The following CLNK variants were observed in gnomAD, a reference collection of about 807,000 sequenced individuals.
CLNK encodes the protein cytokine-dependent hematopoietic cell linker.
CLNK carries 74 observed loss-of-function variants against 68.6 expected under a neutral mutation model. That is an observed-to-expected ratio of 1.08 (90% CI 0.89 to 1.31). The LOEUF (loss-of-function observed/expected upper bound fraction) is 1.31, where lower values mean the gene tolerates loss of function less well. Among genes scored for constraint, CLNK ranks in the 50% most tolerant of loss-of-function variants. The pLI, the probability that CLNK is intolerant of heterozygous loss-of-function variation, is 0.00. For synonymous variants in CLNK, 198 were observed against 172.2 expected (o/e 1.15, Z -1.17); for missense variants, 553 against 515.3 (o/e 1.07, Z -0.71).
At chr4:10,656,237 A>T (rs1016278707) in intron 2 of CLNK, among the ~76,000 whole-genome samples, 1 of 151,818 alleles carries the variant, frequency 6.6e-6, no homozygotes, top group Non-Finnish European at 1.5e-5. Flanking sequence ...GGAAATATCA[A>T]AAGAGAATAA....
rs150773692 is a variant in CLNK, at chr4:10,531,820, G to T, written c.630+436C>A. The T allele has an allele frequency of 2.7e-4, 124 of 459,352 alleles. No individual in the cohort carries two copies. The Middle Eastern group carries it at 4.5e-3, about 17-fold the overall frequency. 28.5% of individuals were successfully genotyped at this position (459,352 alleles called of 1,614,324 possible). A position where few individuals can be genotyped will look rare whatever the true frequency, so the allele number is the denominator to read the frequency against. On this transcript the variant is annotated intron_variant, in intron 12 of 18. Coordinates refer to ENST00000226951, the MANE Select transcript of CLNK (RefSeq NM_052964.4). ...TCTGAAGTTCACAAAGCGAGTAGGTGGCACGGCAGGATTCCTACCCAGGTC... is the reference window on the plus strand; with the variant it reads ...TCTGAAGTTCACAAAGCGAGTAGGTTGCACGGCAGGATTCCTACCCAGGTC...
chr4:10,603,548 T>C (rs2108848907), intron 2 of CLNK, among the ~76,000 whole-genome samples: 1 of 152,336 alleles, frequency 6.6e-6, no homozygotes, highest in African/African-American at 2.4e-5. Context: ...GAGACAGAGA[T>C]GACCACGTAG....
the CLNK span, among the ~76,000 whole-genome samples, chr4:10,714,683 GGTGTGTGT>G: frequency 3.0e-4 from 45 of 148,544 alleles, no homozygotes; most frequent in African/African-American, 7.7e-4. Flanking sequence ...CATTCATTGT[GGTGTGTGT>G]GTGTGTGTGT....
At position 10,577,807 on chromosome 4, in the gene CLNK, C is replaced by T. The variant is rs369166269; in HGVS notation, c.113-6029G>A. ...AGAAAAAAAAAAAATAAACGTCTATCGTGTTTAAGCCCCATTTTTTTAAAT... is the reference window on the plus strand; with the variant it reads ...AGAAAAAAAAAAAATAAACGTCTATTGTGTTTAAGCCCCATTTTTTTAAAT... On this transcript the variant is annotated intron_variant, in intron 4 of 18. Transcript: ENST00000226951. Among the ~76,000 whole-genome samples the T allele has an allele frequency of 5.8e-4, 88 of 152,122 alleles. 2 individuals carry two copies. In the South Asian group the frequency reaches 0.017, roughly 29 times the overall value.
At chr4:10,496,497 G>A (rs1483936938) in intron 18 of CLNK, among the ~76,000 whole-genome samples, 1 of 152,204 alleles carries the variant, frequency 6.6e-6, no homozygotes, top group African/African-American at 2.4e-5. Context: ...GGGAAGGCAG[G>A]AAGAACCACC....
At chr4:10,602,724 C>A (rs542237090) in intron 2 of CLNK, among the ~76,000 whole-genome samples, 1 of 152,338 alleles carries the variant, frequency 6.6e-6, no homozygotes, top group Admixed American at 6.5e-5. Flanking sequence ...CACTAAACAT[C>A]TCTTCTGTCC....
chr4:10,709,515 C>T, the CLNK span, among the ~76,000 whole-genome samples: 44 of 152,248 alleles, frequency 2.9e-4, no homozygotes, highest in Middle Eastern at 3.4e-3. Flanking sequence ...ACTTTGGACA[C>T]GGAGAATTGA....
chr4:10,496,229 A>G (rs1327147863), intron 18 of CLNK, among the ~76,000 whole-genome samples: 6 of 152,240 alleles, frequency 3.9e-5, no homozygotes, highest in Non-Finnish European at 8.8e-5. Context: ...AAATTAAAAT[A>G]ATCTTTGAAG....
the CLNK span, among the ~76,000 whole-genome samples, chr4:10,698,329 G>A: frequency 1.3e-5 from 2 of 152,114 alleles, no homozygotes; most frequent in Non-Finnish European, 2.9e-5. Context: ...CACTCTGAGG[G>A]CAAGGTCCAT....
chr4:10,560,537 G>A (rs1013064955), intron 7 of CLNK, among the ~76,000 whole-genome samples: 26 of 151,760 alleles, frequency 1.7e-4, no homozygotes, highest in African/African-American at 5.1e-4. Context: ...TTGACCTCCC[G>A]GGCTCAAGCG....
At chr4:10,554,370 G>T (rs566546161) in intron 8 of CLNK, among the ~76,000 whole-genome samples, 1 of 152,162 alleles carries the variant, frequency 6.6e-6, no homozygotes, top group Non-Finnish European at 1.5e-5. Context: ...CTTCATTAGG[G>T]AATTATTATT....
chr4:10,598,525 C>T (rs1418336025), intron 2 of CLNK: 2 of 249,202 alleles, frequency 8.0e-6, no homozygotes, highest in African/African-American at 4.7e-5. Context: ...AAAAATCTAG[C>T]AAACATTATC....
intron 8 of CLNK, among the ~76,000 whole-genome samples, chr4:10,557,860 A>G (rs1326308651): frequency 1.3e-5 from 2 of 152,226 alleles, no homozygotes; most frequent in Admixed American, 1.3e-4. Flanking sequence ...AAGAGGAGAT[A>G]GGGGCACGGG....
In CLNK at chr4:10,679,702, C is replaced by T. The variant is rs1470452314; in HGVS notation, c.-43+4966G>A. ...ACAAACAACCCCATCAAAAAGTGGG[C>T]AAAGGATATGAACAGACACTTCTCA... is the stretch of plus-strand genomic sequence containing the variant. On this transcript the variant is annotated intron_variant, in intron 1 of 18. Transcript: ENST00000226951. Among the ~76,000 whole-genome samples the T allele has an allele frequency of 7.2e-5, 11 of 152,202 alleles. No homozygotes were observed. The South Asian group carries it at 1.9e-3, about 26-fold the overall frequency.
In CLNK at chr4:10,513,524, A is replaced by G. The variant is rs1381347201; in HGVS notation, c.846T>C (p.Asn282=). ...AGCTTGTGTATTTATAGGGCAGTAT[A>G]TTTTCGTGAGGGCTGCAGCTGGCTG... is the stretch of plus-strand genomic sequence containing the variant. ...QPPASCSPHE[N]ILPYKYTSWR... Residue 282 remains asparagine (N), a synonymous_variant, in exon 16 of 19, where the codon AAT becomes AAC. Coordinates refer to ENST00000226951, the MANE Select transcript of CLNK (RefSeq NM_052964.4). 1.2e-6 allele frequency: 2 copies of G among 1,611,488 alleles called. No individual in the cohort carries two copies. The highest frequency in any genetic ancestry group is 1.7e-6 in the Non-Finnish European group (2 of 1,178,926).
intron 1 of CLNK, 56 bp from the exon 2 acceptor site, chr4:10,667,967 G>T: frequency 9.8e-7 from 1 of 1,021,814 alleles, no homozygotes; most frequent in South Asian, 1.7e-5. Context: ...TTTTAATTCT[G>T]GGGAACAAGC....
chr4:10,499,683 C>A (rs1471427792), intron 18 of CLNK, among the ~76,000 whole-genome samples: 2 of 152,192 alleles, frequency 1.3e-5, no homozygotes, highest in African/African-American at 2.4e-5. Context: ...GCACTACAGA[C>A]AAGGTGGCTT....
At chr4:10,507,913 A>C in intron 17 of CLNK, 46 bp downstream of exon 17, 1 of 1,403,792 alleles carries the variant, frequency 7.1e-7, no homozygotes, top group Non-Finnish European at 9.9e-7. Flanking sequence ...GAGAACCTTA[A>C]GATGCCTATA....
chr4:10,504,099 A>G (rs1717178379), intron 17 of CLNK, among the ~76,000 whole-genome samples: 1 of 140,690 alleles, frequency 7.1e-6, no homozygotes, highest in African/African-American at 2.6e-5. Context: ...GGGTCTTTAC[A>G]TAAACATCTT....
Sources: gnomAD v4.1 joint callset for allele counts (sites outside exome capture counted in the v4.1 genomes callset) on GRCh38, gnomAD v4.1.1 for gene constraint, MANE v1.5 for transcripts, NCBI Gene and HGNC (gene_info 2026-07-23, HGNC 2026-07-21) for gene names.